LINGO2: variants seen among roughly 807,000 people sequenced by gnomAD.
LINGO2 encodes leucine-rich repeat and immunoglobulin-like domain-containing nogo receptor-interacting protein 2.
In LINGO2, 14 loss-of-function variants were observed where a neutral mutation model predicts 30.6. The observed-to-expected ratio is 0.46, with a 90% CI of 0.30 to 0.72. The LOEUF (loss-of-function observed/expected upper bound fraction) is 0.72, where lower values mean the gene tolerates loss of function less well. Among genes scored for constraint, LINGO2 ranks in the 30% least tolerant of loss-of-function variants. The pLI is 0.07. For missense variants in LINGO2, 729 were observed against 751.7 expected, an observed-to-expected ratio of 0.97 and a Z score of 0.35; for synonymous variants, 317 against 288.5, an observed-to-expected ratio of 1.10 and a Z score of -1.00.
intron 2 of LINGO2, among the ~76,000 whole-genome samples, chr9:28,409,424 A>G (rs1460734887): frequency 1.3e-5 from 2 of 152,060 alleles, no homozygotes; most frequent in East Asian, 3.9e-4. Context: ...TTTATCTTGA[A>G]CTTTGCTGTG....
At chr9:28,850,014 C>G in the LINGO2 span, among the ~76,000 whole-genome samples, 3 of 151,976 alleles carry the variant, frequency 2.0e-5, no homozygotes, top group East Asian at 5.8e-4. Context: ...TTAGTAACTG[C>G]TTACTGAGTG....
At chr9:28,149,116 G>A (rs1226347762) in intron 4 of LINGO2, 37 of 1,518,406 alleles carry the variant, frequency 2.4e-5, no homozygotes, top group Non-Finnish European at 3.0e-5. Context: ...GCCTCCAGCA[G>A]GGCAACATGT....
the LINGO2 span, among the ~76,000 whole-genome samples, chr9:28,784,896 C>T: frequency 3.3e-5 from 5 of 150,288 alleles, no homozygotes; most frequent in Admixed American, 6.7e-5. Context: ...TGTAGTGAGC[C>T]GAGATCGTGC....
chr9:28,990,978 G>A, the LINGO2 span, among the ~76,000 whole-genome samples: 7 of 152,204 alleles, frequency 4.6e-5, no homozygotes, highest in Admixed American at 2.6e-4. Context: ...CCAAAGGAAC[G>A]CAGTTCCTCA....
In LINGO2 at chr9:27,967,879, T is replaced by C. The variant is rs141565966; in HGVS notation, c.-35-17173A>G. On this transcript the variant is annotated intron_variant, in intron 5 of 5. Transcript: ENST00000379992. The stretch of plus-strand genomic sequence containing the variant: ...TTATTAGATTCCTAGGTGGTATAAA[T>C]GCAACCTTTAAAACAATTATATATC... 4.6e-5 allele frequency among the ~76,000 whole-genome samples: 7 copies of C among 152,312 alleles called. No homozygotes were observed. In the East Asian group the frequency reaches 1.2e-3, roughly 25 times the overall value.
the LINGO2 span, among the ~76,000 whole-genome samples, chr9:28,990,524 G>A: frequency 0.021 from 3,209 of 152,300 alleles, 97 homozygotes; most frequent in African/African-American, 0.072. Context: ...GCATGCAGCT[G>A]GAGACCTGAG....
At chr9:28,355,243 GTC>G (rs745669606) in intron 3 of LINGO2, among the ~76,000 whole-genome samples, 1 of 108,694 alleles carries the variant, frequency 9.2e-6, no homozygotes, top group African/African-American at 3.6e-5. Context: ...ATCTCTCTCT[GTC>G]TCTCTCTCTG....
chr9:28,446,016 A>G lies in LINGO2; in HGVS notation c.-279+29924T>C, dbSNP rs1824412215. On this transcript the variant is annotated intron_variant, in intron 2 of 5. Coordinates refer to ENST00000379992, the Ensembl canonical transcript of LINGO2. ...TTTGAGGATATATATCACAATTTTG[A>G]TATTATTAAGCAAGACAGAGCAAGA... Among the ~76,000 whole-genome samples, 4 of 152,228 alleles carry G rather than the reference A, an allele frequency of 2.6e-5. No individual in the cohort carries two copies. In the South Asian group the frequency reaches 8.3e-4, roughly 32 times the overall value.
chr9:28,772,560 T>C, the LINGO2 span, among the ~76,000 whole-genome samples: 8 of 152,216 alleles, frequency 5.3e-5, no homozygotes, highest in South Asian at 2.1e-4. Flanking sequence ...TAGGCAGTTA[T>C]TGATATTACT....
chr9:28,314,985 G>A (rs1587452205), intron 3 of LINGO2, among the ~76,000 whole-genome samples: 1 of 147,166 alleles, frequency 6.8e-6, no homozygotes, highest in East Asian at 2.0e-4. Context: ...AGTCCAGCCT[G>A]GGTGACAGAG....
intron 4 of LINGO2, among the ~76,000 whole-genome samples, chr9:28,191,694 T>C (rs769454377): frequency 1.4e-4 from 22 of 152,140 alleles, no homozygotes; most frequent in Non-Finnish European, 2.8e-4. Context: ...GTAACCTCAA[T>C]GATAAACCCG....
intron 2 of LINGO2, among the ~76,000 whole-genome samples, chr9:28,435,687 T>A (rs1823893887): frequency 6.6e-6 from 1 of 152,190 alleles, no homozygotes; most frequent in South Asian, 2.1e-4. Flanking sequence ...AGAATGACAA[T>A]ATCCCTTCCT....
chr9:27,985,885 G>C (rs142775663), intron 5 of LINGO2, among the ~76,000 whole-genome samples: 12 of 151,754 alleles, frequency 7.9e-5, no homozygotes, highest in African/African-American at 2.7e-4. Flanking sequence ...AAAATCAAAC[G>C]GAACTTGTTA....
intron 3 of LINGO2, among the ~76,000 whole-genome samples, chr9:28,350,393 G>C (rs1336842601): frequency 1.3e-5 from 2 of 148,814 alleles, no homozygotes; most frequent in Non-Finnish European, 3.0e-5. Flanking sequence ...AAGATCAAAA[G>C]AGACAAAGAA....
chr9:28,980,364 T>G, the LINGO2 span, among the ~76,000 whole-genome samples: 7 of 152,062 alleles, frequency 4.6e-5, no homozygotes, highest in Non-Finnish European at 8.8e-5. Context: ...AAATTTTAAA[T>G]AAGGACATCA....
intron 2 of LINGO2, among the ~76,000 whole-genome samples, chr9:28,383,257 TGTGTGTGTGTGTGTGTGTG>T (rs1821430249): frequency 5.4e-5 from 8 of 149,014 alleles, no homozygotes; most frequent in Middle Eastern, 6.8e-3. Flanking sequence ...CCATTCATTG[TGTGTGTGTGTGTGTGTGTG>T]TGTGTGTGTG....
the LINGO2 span, among the ~76,000 whole-genome samples, chr9:28,682,148 A>G: frequency 3.3e-5 from 5 of 152,146 alleles, 1 homozygote; most frequent in Non-Finnish European, 7.4e-5. Context: ...TCTTGATCCT[A>G]TATGCTGCCC....
chr9:27,938,573 C>T, the LINGO2 span: 1 of 152,180 alleles, frequency 6.6e-6, no homozygotes, highest in Non-Finnish European at 1.5e-5. Flanking sequence ...CTTAACTGTT[C>T]TGACTCCCTG....
At chr9:29,126,708 C>T in the LINGO2 span, among the ~76,000 whole-genome samples, 1 of 151,928 alleles carries the variant, frequency 6.6e-6, no homozygotes, top group African/African-American at 2.4e-5. Flanking sequence ...TACAGAACTT[C>T]GCAATTATGT....
Sources: gnomAD v4.1 joint callset for allele counts (sites outside exome capture counted in the v4.1 genomes callset) on GRCh38, gnomAD v4.1.1 for gene constraint, MANE v1.5 for transcripts, NCBI Gene and HGNC (gene_info 2026-07-23, HGNC 2026-07-21) for gene names.